CPS1: variants seen among roughly 807,000 people sequenced by gnomAD.
The protein encoded by CPS1 is carbamoyl-phosphate synthase [ammonia], mitochondrial.
CPS1 carries 109 observed loss-of-function variants against 174.6 expected under a neutral mutation model. That is an observed-to-expected ratio of 0.62 (90% CI 0.53 to 0.73). The LOEUF (loss-of-function observed/expected upper bound fraction) is 0.73. CPS1 is among the 30% of genes least tolerant of loss of function. CPS1 has a pLI of 0.00. For missense variants in CPS1, 1,689 were observed against 1,821.9 expected, an observed-to-expected ratio of 0.93 and a Z score of 1.33; for synonymous variants, 637 against 632.0, an observed-to-expected ratio of 1.01 and a Z score of -0.12.
At position 210,660,614 on chromosome 2, in the gene CPS1, T is replaced by A. The variant is rs763535883; in HGVS notation, c.3886T>A (p.Leu1296Met). The change falls in exon 32 of 38, where the codon TTG becomes ATG. Residue 1296 changes from leucine to methionine, a missense_variant. Physicochemically the swap from Leu to Met is conservative, Grantham distance 15 (BLOSUM62 2). Transcript: ENST00000233072. The part of the protein sequence containing the change: ...ENVDEKHLPT[L>M]DHPIIPADYV... ...TGTTGATGAGAAACATCTTCCAACA[T>A]TGGACCATCCCATAATTCCTGCTGA... The A allele has an allele frequency of 1.2e-6, 2 of 1,614,054 alleles. No homozygotes were observed. Among genetic ancestry groups the A allele is most frequent in the East Asian group, 4.5e-5 (2 of 44,884 alleles).
chr2:210,674,988 T>A, intron 35 of CPS1, 27 bp downstream of exon 35: 1 of 1,548,802 alleles, frequency 6.5e-7, no homozygotes, highest in South Asian at 1.1e-5. Context: ...TAAGTTGTTT[T>A]CTGTCAGCAT....
At chr2:210,523,391 T>A (rs1695880580) in intron 1 of CPS1, among the ~76,000 whole-genome samples, 1 of 151,960 alleles carries the variant, frequency 6.6e-6, no homozygotes, top group East Asian at 1.9e-4. Context: ...TTTGTATTAA[T>A]TTTTTTGCGT....
intron 33 of CPS1, among the ~76,000 whole-genome samples, chr2:210,666,808 G>A (rs1406682619): frequency 9.9e-5 from 15 of 152,222 alleles, no homozygotes; most frequent in South Asian, 4.1e-4. Context: ...TTGGCAATGC[G>A]GGCTCTTTTT....
intron 1 of CPS1, among the ~76,000 whole-genome samples, chr2:210,495,032 C>G (rs1461464950): frequency 6.6e-6 from 1 of 152,194 alleles, no homozygotes; most frequent in Non-Finnish European, 1.5e-5. Flanking sequence ...ACTAAAAACA[C>G]TCCAGGTGAT....
At chr2:210,640,661 A>G (rs948470142) in intron 24 of CPS1, among the ~76,000 whole-genome samples, 4 of 152,232 alleles carry the variant, frequency 2.6e-5, no homozygotes, top group African/African-American at 9.6e-5. Flanking sequence ...ATTAGTCAAC[A>G]TATGGATTTA....
At chr2:210,639,340 C>T (rs1182380666) in intron 23 of CPS1, 125 bp downstream of exon 23, 14 of 767,932 alleles carry the variant, frequency 1.8e-5, no homozygotes, top group Admixed American at 8.4e-5. Context: ...TGGCCGGGCG[C>T]GGTGGCTCAC....
intron 15 of CPS1, 149 bp downstream of exon 15, chr2:210,600,861 G>A (rs1698699216): frequency 1.1e-6 from 1 of 894,436 alleles, no homozygotes; most frequent in African/African-American, 1.7e-5. Context: ...GAAATATTGT[G>A]TATTACAGCA....
intron 1 of CPS1, among the ~76,000 whole-genome samples, chr2:210,484,606 T>C (rs1694666395): frequency 6.6e-6 from 1 of 152,160 alleles, no homozygotes; most frequent in Non-Finnish European, 1.5e-5. Context: ...CAAGGGACTG[T>C]AACTTACCAG....
At chr2:210,504,815 A>T (rs1695234951) in intron 1 of CPS1, among the ~76,000 whole-genome samples, 1 of 152,214 alleles carries the variant, frequency 6.6e-6, no homozygotes, top group Admixed American at 6.5e-5. Context: ...TGGCAGAAAA[A>T]TTAAAAGGCG....
At chr2:210,619,328 A>G (rs1018716904) in intron 21 of CPS1, 1 of 152,076 alleles carries the variant, frequency 6.6e-6, no homozygotes, top group African/African-American at 2.4e-5. Context: ...TCTTTCTCTT[A>G]ATCTCTGCTT....
intron 21 of CPS1, among the ~76,000 whole-genome samples, chr2:210,626,409 A>G (rs1431129731): frequency 2.6e-5 from 4 of 152,168 alleles, no homozygotes; most frequent in African/African-American, 9.6e-5. Flanking sequence ...GATTGAATTC[A>G]CAAAATTCAC....
chr2:210,556,505 C>G, upstream of CPS1: 1 of 1,321,702 alleles, frequency 7.6e-7, no homozygotes, highest in Non-Finnish European at 1.0e-6. Context: ...GTTACATGCC[C>G]ATGGAACATC....
At chr2:210,606,144 A>C (rs1051689389) in intron 17 of CPS1, among the ~76,000 whole-genome samples, 1 of 151,946 alleles carries the variant, frequency 6.6e-6, no homozygotes, top group East Asian at 1.9e-4. Flanking sequence ...TGTGAGCTCT[A>C]TTAAAAGGAA....
intron 21 of CPS1, among the ~76,000 whole-genome samples, chr2:210,630,351 A>G (rs1699830170): frequency 2.0e-5 from 3 of 152,172 alleles, no homozygotes; most frequent in Admixed American, 6.5e-5. Flanking sequence ...CTATTTAAAG[A>G]TATCTACATT....
intron 34 of CPS1, among the ~76,000 whole-genome samples, chr2:210,669,732 T>C (rs772148313): frequency 2.0e-5 from 3 of 152,148 alleles, no homozygotes; most frequent in Non-Finnish European, 2.9e-5. Context: ...AGACTCATCA[T>C]GTTATAAATG....
At chr2:210,644,389 G>A (rs1249175303) in intron 25 of CPS1, among the ~76,000 whole-genome samples, 1 of 152,042 alleles carries the variant, frequency 6.6e-6, no homozygotes, top group Non-Finnish European at 1.5e-5. Context: ...AAACCCATTA[G>A]AGAATGCATG....
At chr2:210,546,123 C>T (rs957795504) in intron 1 of CPS1, among the ~76,000 whole-genome samples, 4 of 151,952 alleles carry the variant, frequency 2.6e-5, no homozygotes, top group Admixed American at 2.6e-4. Context: ...CAAGAGGGAG[C>T]TTTTGAGGGA....
intron 1 of CPS1, among the ~76,000 whole-genome samples, chr2:210,540,766 A>G (rs1696376009): frequency 6.6e-6 from 1 of 152,154 alleles, no homozygotes; most frequent in Non-Finnish European, 1.5e-5. Flanking sequence ...GAAGCCTACT[A>G]TCTTATTGTT....
chr2:210,601,857 G>A (rs746580441), intron 15 of CPS1, among the ~76,000 whole-genome samples: 33 of 151,878 alleles, frequency 2.2e-4, no homozygotes, highest in Non-Finnish European at 4.0e-4. Flanking sequence ...TAAGCTGCAT[G>A]TAAAAATCGT....
Sources: allele counts gnomAD v4.1 joint callset (sites outside exome capture counted in the v4.1 genomes callset), GRCh38; gene constraint gnomAD v4.1.1; transcripts MANE v1.5; gene names NCBI Gene and HGNC (gene_info 2026-07-23, HGNC 2026-07-21).